The following PCDH11Y variants were observed in gnomAD, a reference collection of about 807,000 sequenced individuals.
PCDH11Y encodes the protein protocadherin-11 Y-linked.
For missense variants in PCDH11Y, 12 were observed against 224.8 expected (o/e 0.05, Z 6.05); for synonymous variants, 9 against 83.6 (o/e 0.11, Z 4.87).
intron 2 of PCDH11Y, among the ~76,000 whole-genome samples, chrY:5,324,795 G>T: frequency 6.1e-5 from 2 of 32,713 alleles, no homozygotes; most frequent in Non-Finnish European, 1.5e-4. Flanking sequence ...TTTCATGCAC[G>T]TCCCTGTGAA....
chrY:5,654,346 G>A, intron 4 of PCDH11Y, among the ~76,000 whole-genome samples: 1 of 33,764 alleles, frequency 3.0e-5, no homozygotes, highest in Non-Finnish European at 7.4e-5. Context: ...GCTAAAAGCA[G>A]AACTATCATT....
At chrY:5,430,379 T>C (rs2053267659) in intron 2 of PCDH11Y, among the ~76,000 whole-genome samples, 1 of 33,817 alleles carries the variant, frequency 3.0e-5, no homozygotes, top group Non-Finnish European at 7.3e-5. Context: ...ATTTAATGTT[T>C]TCCCTAGAAT....
At chrY:5,222,741 C>A in intron 2 of PCDH11Y, among the ~76,000 whole-genome samples, 4 of 31,689 alleles carry the variant, frequency 1.3e-4, no homozygotes, top group Admixed American at 2.9e-4. Context: ...AAGTGATCTG[C>A]CCACCTCGGC....
intron 2 of PCDH11Y, chrY:5,338,226 G>A: frequency 1.7e-4 from 56 of 325,061 alleles, no homozygotes; most frequent in Middle Eastern, 8.2e-4. Context: ...TAGAATTGGC[G>A]GATGCCCTCC....
chrY:5,130,277 C>T, intron 2 of PCDH11Y, among the ~76,000 whole-genome samples: 1 of 33,483 alleles, frequency 3.0e-5, no homozygotes, highest in South Asian at 6.6e-4. Context: ...CACAGCAAAA[C>T]AATCAAGTAA....
intron 4 of PCDH11Y, among the ~76,000 whole-genome samples, chrY:5,675,381 C>T (rs2053552920): frequency 3.1e-5 from 1 of 32,716 alleles, no homozygotes; most frequent in Non-Finnish European, 7.5e-5. Flanking sequence ...TGGGTGGAGA[C>T]ACAGCCAAAC....
intron 1 of PCDH11Y, among the ~76,000 whole-genome samples, chrY:5,072,507 A>G: frequency 3.2e-5 from 1 of 31,071 alleles, no homozygotes; most frequent in Non-Finnish European, 7.8e-5. Flanking sequence ...TTTCTGCACT[A>G]TAGATTGAAT....
At chrY:5,455,320 G>C in intron 2 of PCDH11Y, among the ~76,000 whole-genome samples, 1 of 33,301 alleles carries the variant, frequency 3.0e-5, no homozygotes, top group Non-Finnish European at 7.4e-5. Flanking sequence ...TGTACTTCAT[G>C]GTCCATATCA....
chrY:5,063,744 C>T, intron 1 of PCDH11Y, among the ~76,000 whole-genome samples: 2 of 32,392 alleles, frequency 6.2e-5, no homozygotes, highest in African/African-American at 1.2e-4. Context: ...AATTAAATAA[C>T]GCAGAACTTA....
intron 2 of PCDH11Y, among the ~76,000 whole-genome samples, chrY:5,432,446 C>T (rs2124680732): frequency 9.1e-5 from 3 of 33,068 alleles, no homozygotes; most frequent in Admixed American, 8.5e-4. Flanking sequence ...TGATTTTTGC[C>T]GTGCTTTTCT....
intron 2 of PCDH11Y, among the ~76,000 whole-genome samples, chrY:5,149,151 A>G: frequency 6.2e-5 from 2 of 32,471 alleles, no homozygotes; most frequent in Non-Finnish European, 1.5e-4. Context: ...AAAAGCAGAT[A>G]GATTGTTTCC....
chrY:5,457,144 ATCAAATTAAGT>A (rs2053299100), intron 2 of PCDH11Y, among the ~76,000 whole-genome samples: 1 of 33,694 alleles, frequency 3.0e-5, no homozygotes, highest in Non-Finnish European at 7.4e-5. Flanking sequence ...AATATTTCTA[ATCAAATTAAGT>A]GTTTTATATA....
intron 2 of PCDH11Y, among the ~76,000 whole-genome samples, chrY:5,174,811 G>T (rs2052891401): frequency 3.1e-5 from 1 of 31,877 alleles, no homozygotes; most frequent in Non-Finnish European, 7.7e-5. Context: ...GGAACACTGT[G>T]CAAGAGAGTA....
intron 4 of PCDH11Y, among the ~76,000 whole-genome samples, chrY:5,636,098 G>GT (rs2053517518): frequency 2.0e-3 from 67 of 34,145 alleles, no homozygotes; most frequent in African/African-American, 7.4e-3. Flanking sequence ...CAAGAGAAAT[G>GT]TAAGATAAGG....
intron 3 of PCDH11Y, among the ~76,000 whole-genome samples, chrY:5,504,237 T>G: frequency 3.2e-5 from 1 of 31,273 alleles, no homozygotes; most frequent in Non-Finnish European, 7.9e-5. Flanking sequence ...CTCTTAAGTC[T>G]TTTGCCAAGA....
At chrY:5,591,461 C>G in intron 4 of PCDH11Y, among the ~76,000 whole-genome samples, 2 of 31,423 alleles carry the variant, frequency 6.4e-5, no homozygotes, top group African/African-American at 2.5e-4. Flanking sequence ...ATCTATTTCA[C>G]TAATTAAAAA....
chrY:5,532,730 C>A (rs2053395861), intron 3 of PCDH11Y, among the ~76,000 whole-genome samples: 24 of 28,759 alleles, frequency 8.3e-4, no homozygotes, highest in Non-Finnish European at 4.1e-4. Flanking sequence ...TATTTATTTT[C>A]ATGTATTTAT....
At chrY:5,199,435 G>A in intron 2 of PCDH11Y, among the ~76,000 whole-genome samples, 2 of 31,398 alleles carry the variant, frequency 6.4e-5, no homozygotes, top group Non-Finnish European at 7.7e-5. Flanking sequence ...CTACAGGCTC[G>A]TGCCACCATG....
chrY:5,027,048 C>T, intron 1 of PCDH11Y, among the ~76,000 whole-genome samples: 1 of 32,190 alleles, frequency 3.1e-5, no homozygotes, highest in Non-Finnish European at 7.5e-5. Context: ...TGCTTGAGCT[C>T]AGGAGTTCCA....
Sources: gnomAD v4.1 joint callset for allele counts (sites outside exome capture counted in the v4.1 genomes callset) on GRCh38, gnomAD v4.1.1 for gene constraint, MANE v1.5 for transcripts, NCBI Gene and HGNC (gene_info 2026-07-23, HGNC 2026-07-21) for gene names.